The following BCL2 variants were observed in gnomAD, a reference collection of about 807,000 sequenced individuals.
The protein encoded by BCL2 is BCL2 apoptosis regulator, also known as apoptosis regulator Bcl-2.
BCL2 carries 1 observed loss-of-function variant against 14.2 expected under a neutral mutation model. The observed-to-expected ratio is 0.07, with a 90% CI of 0.02 to 0.33. The LOEUF is 0.33. Ranked by LOEUF, BCL2 falls within the 10% of genes least tolerant of loss-of-function variation. The probability of loss-of-function intolerance (pLI) is 0.99; values close to 1 mark genes in which losing one functional copy is unlikely to be tolerated. For synonymous variants in BCL2, 151 were observed against 137.2 expected (o/e 1.10, Z -0.70); for missense variants, 247 against 305.9 (o/e 0.81, Z 1.44).
At chr18:63,255,969 G>C (rs982970153) in intron 2 of BCL2, among the ~76,000 whole-genome samples, 1 of 152,112 alleles carries the variant, frequency 6.6e-6, no homozygotes, top group African/African-American at 2.4e-5. Flanking sequence ...AATGTGGCAA[G>C]GGTATGACTG....
chr18:63,197,622 G>A (rs1205867090), intron 2 of BCL2, among the ~76,000 whole-genome samples: 1 of 151,662 alleles, frequency 6.6e-6, no homozygotes, highest in African/African-American at 2.4e-5. Context: ...GTCACAGCAG[G>A]AACAGAAAAG....
At chr18:63,187,713 T>C (rs1335980314) in intron 2 of BCL2, among the ~76,000 whole-genome samples, 1 of 152,226 alleles carries the variant, frequency 6.6e-6, no homozygotes, top group African/African-American at 2.4e-5. Context: ...AGTATTGTTG[T>C]TGTTACCTCT....
chr18:63,240,682 C>G (rs900728935), intron 2 of BCL2, among the ~76,000 whole-genome samples: 1 of 152,218 alleles, frequency 6.6e-6, no homozygotes, highest in Non-Finnish European at 1.5e-5. Context: ...TTTCCCAATT[C>G]CCTGCCTTTG....
chr18:63,174,710 C>T (rs1054443848), intron 2 of BCL2, among the ~76,000 whole-genome samples: 3 of 151,422 alleles, frequency 2.0e-5, no homozygotes, highest in South Asian at 2.1e-4. Context: ...ATCCCAGCTA[C>T]TCGGGGGGCT....
intron 2 of BCL2, among the ~76,000 whole-genome samples, chr18:63,260,788 T>C (rs1568250473): frequency 8.6e-5 from 13 of 151,158 alleles, no homozygotes. Context: ...AGAGGAACAA[T>C]AACTCCTTCA....
chr18:63,303,175 T>C (rs1913017942), intron 2 of BCL2, among the ~76,000 whole-genome samples: 1 of 152,200 alleles, frequency 6.6e-6, no homozygotes, highest in Non-Finnish European at 1.5e-5. Context: ...TTAGGCAGGT[T>C]ACAATTTGAC....
chr18:63,132,217 C>T (rs1000496972), intron 2 of BCL2, among the ~76,000 whole-genome samples: 9 of 152,186 alleles, frequency 5.9e-5, no homozygotes, highest in African/African-American at 2.2e-4. Context: ...CAGCCCCGAG[C>T]CTCATTTACT....
intron 2 of BCL2, among the ~76,000 whole-genome samples, chr18:63,155,519 G>A (rs1914755695): frequency 6.6e-6 from 1 of 151,896 alleles, no homozygotes; most frequent in Non-Finnish European, 1.5e-5. Flanking sequence ...GAGGCCACAG[G>A]GGCCCAGGAG....
At chr18:63,210,972 T>G (rs1909982194) in intron 2 of BCL2, among the ~76,000 whole-genome samples, 1 of 151,966 alleles carries the variant, frequency 6.6e-6, no homozygotes, top group South Asian at 2.1e-4. Context: ...AGTCTCACGC[T>G]CAAATCCTGC....
In BCL2 at chr18:63,127,220, C is replaced by T; in HGVS notation, c.*1405G>A. 4.3e-6 allele frequency: 1 copy of T among 230,374 alleles called. No individual in the cohort carries two copies. Among genetic ancestry groups the T allele is most frequent in the Non-Finnish European group, 8.6e-6 (1 of 116,242 alleles). 14.3% of individuals were successfully genotyped at this position (230,374 alleles called of 1,614,324 possible). ...CAATGCTTCTTTTAGGATTTGTGAC[C>T]CTCTCCAAAGTCATTTAAAGCCTTG... On this transcript the variant is annotated 3_prime_UTR_variant, in exon 3 of 3. Coordinates refer to ENST00000333681, the MANE Select transcript of BCL2 (RefSeq NM_000633.3).
At chr18:63,258,613 T>C (rs573245839) in intron 2 of BCL2, among the ~76,000 whole-genome samples, 1 of 152,220 alleles carries the variant, frequency 6.6e-6, no homozygotes, top group African/African-American at 2.4e-5. Context: ...TGAGGATTGA[T>C]AGCCACCTCC....
intron 2 of BCL2, among the ~76,000 whole-genome samples, chr18:63,232,112 T>C (rs1910706300): frequency 6.6e-6 from 1 of 151,658 alleles, no homozygotes; most frequent in Non-Finnish European, 1.5e-5. Context: ...CTGTTACCCA[T>C]ATGGAGAAAA....
intron 2 of BCL2, among the ~76,000 whole-genome samples, chr18:63,266,675 A>T (rs78335519): frequency 0.012 from 1,816 of 151,130 alleles, 35 homozygotes; most frequent in African/African-American, 0.04. Flanking sequence ...ATATATTTAT[A>T]CTACATACAA....
chr18:63,207,250 A>T (rs948041485), intron 2 of BCL2, among the ~76,000 whole-genome samples: 4 of 152,076 alleles, frequency 2.6e-5, no homozygotes, highest in African/African-American at 4.8e-5. Context: ...TGGTCTGTGA[A>T]CCCCAGGGCC....
At chr18:63,219,294 A>G (rs1910313516) in intron 2 of BCL2, among the ~76,000 whole-genome samples, 1 of 151,994 alleles carries the variant, frequency 6.6e-6, no homozygotes, top group Non-Finnish European at 1.5e-5. Context: ...GTGCTACCTC[A>G]TTCCTCCAAG....
At chr18:63,308,499 T>A (rs1055630118) in intron 2 of BCL2, among the ~76,000 whole-genome samples, 4 of 152,188 alleles carry the variant, frequency 2.6e-5, no homozygotes, top group Admixed American at 6.5e-5. Flanking sequence ...ACTAGGCATA[T>A]GTACATACAC....
At chr18:63,300,749 G>C (rs1217124746) in intron 2 of BCL2, among the ~76,000 whole-genome samples, 3 of 152,140 alleles carry the variant, frequency 2.0e-5, no homozygotes, top group African/African-American at 7.2e-5. Context: ...GATCCAGCGA[G>C]AACTCCAGGA....
At chr18:63,262,556 C>A (rs1267384098) in intron 2 of BCL2, among the ~76,000 whole-genome samples, 1 of 152,158 alleles carries the variant, frequency 6.6e-6, no homozygotes, top group Non-Finnish European at 1.5e-5. Flanking sequence ...GTCCATCTGG[C>A]TTGTTTGTGG....
intron 2 of BCL2, among the ~76,000 whole-genome samples, chr18:63,153,144 T>C (rs1356424559): frequency 1.3e-5 from 2 of 152,230 alleles, no homozygotes; most frequent in Non-Finnish European, 2.9e-5. Flanking sequence ...GATTCGTCAA[T>C]GAGTTGAATG....
Sources: gnomAD v4.1 joint callset for allele counts (sites outside exome capture counted in the v4.1 genomes callset) on GRCh38, gnomAD v4.1.1 for gene constraint, MANE v1.5 for transcripts, NCBI Gene and HGNC (gene_info 2026-07-23, HGNC 2026-07-21) for gene names.